Variants in FILIP1L observed in about 807,000 individuals in gnomAD.
FILIP1L encodes filamin A interacting protein 1 like.
FILIP1L carries 55 observed loss-of-function variants against 96.6 expected under a neutral mutation model. The ratio of observed to expected loss-of-function variants is 0.57; its 90% CI spans 0.46 to 0.71. The LOEUF is 0.71. Among genes scored for constraint, FILIP1L ranks in the 30% least tolerant of loss-of-function variants. FILIP1L has a pLI of 0.00. For missense variants in FILIP1L, 1,304 were observed against 1,321.2 expected (o/e 0.99, Z 0.20); for synonymous variants, 467 against 473.9 (o/e 0.99, Z 0.19).
intron 4 of FILIP1L, among the ~76,000 whole-genome samples, chr3:99,878,685 C>T (rs1204738010): frequency 6.6e-6 from 1 of 152,168 alleles, no homozygotes; most frequent in African/African-American, 2.4e-5. Flanking sequence ...GTGGCAGCAA[C>T]GTATCTTGTT....
intron 4 of FILIP1L, among the ~76,000 whole-genome samples, chr3:99,904,402 A>G (rs186096643): frequency 2.0e-5 from 3 of 152,340 alleles, no homozygotes; most frequent in East Asian, 3.9e-4. Flanking sequence ...TTTGGTTTCT[A>G]TGAAGGCAGT....
intron 5 of FILIP1L, among the ~76,000 whole-genome samples, chr3:99,840,441 C>G (rs1350558112): frequency 1.3e-5 from 2 of 151,962 alleles, no homozygotes; most frequent in Non-Finnish European, 2.9e-5. Context: ...CCAGGCTGGT[C>G]TTGAACTCCT....
chr3:100,083,847 T>C (rs2065967164), intron 1 of FILIP1L, among the ~76,000 whole-genome samples: 1 of 152,186 alleles, frequency 6.6e-6, no homozygotes, highest in Non-Finnish European at 1.5e-5. Context: ...AGTGCTAGTA[T>C]TAAGGCATGA....
At chr3:100,109,922 AC>A (rs1472378226) in intron 1 of FILIP1L, 1 of 33,384 alleles carries the variant, frequency 3.0e-5, no homozygotes, top group Non-Finnish European at 5.9e-5. Context: ...CCCCAGCACC[AC>A]CCCCCAGCCA....
chr3:100,098,274 C>T (rs754300774), intron 1 of FILIP1L, among the ~76,000 whole-genome samples: 3 of 152,222 alleles, frequency 2.0e-5, no homozygotes, highest in Admixed American at 6.5e-5. Flanking sequence ...AAGGAGGTAA[C>T]GAGAAGTAAA....
intron 1 of FILIP1L, among the ~76,000 whole-genome samples, chr3:100,065,920 G>A (rs973408215): frequency 1.3e-5 from 2 of 152,194 alleles, no homozygotes; most frequent in African/African-American, 4.8e-5. Flanking sequence ...ATCACCTGGG[G>A]ACTTTTCAGA....
At chr3:99,913,058 C>A (rs561149872) in intron 4 of FILIP1L, among the ~76,000 whole-genome samples, 10 of 152,058 alleles carry the variant, frequency 6.6e-5, no homozygotes, top group Non-Finnish European at 8.8e-5. Context: ...ACTTTCTCAC[C>A]CACTTTCCAC....
intron 1 of FILIP1L, among the ~76,000 whole-genome samples, chr3:99,937,556 A>G (rs1707719103): frequency 6.6e-6 from 1 of 152,200 alleles, no homozygotes; most frequent in African/African-American, 2.4e-5. Flanking sequence ...GGCGTCAGTG[A>G]GCCTTTAAAT....
intron 1 of FILIP1L, among the ~76,000 whole-genome samples, chr3:99,983,519 T>TAC (rs1709234157): frequency 8.1e-6 from 1 of 123,328 alleles, no homozygotes; most frequent in African/African-American, 3.2e-5. Flanking sequence ...TGTATATATA[T>TAC]ACACACACAA....
chr3:100,038,810 T>G (rs1017619911), intron 1 of FILIP1L, among the ~76,000 whole-genome samples: 3 of 152,142 alleles, frequency 2.0e-5, no homozygotes, highest in African/African-American at 7.2e-5. Context: ...CTGCTCCTTA[T>G]GTACTGATAC....
intron 1 of FILIP1L, among the ~76,000 whole-genome samples, chr3:99,985,452 A>G (rs1276174440): frequency 6.6e-6 from 1 of 152,124 alleles, no homozygotes; most frequent in Non-Finnish European, 1.5e-5. Flanking sequence ...TTGAGCCAAG[A>G]TCATACCACT....
chr3:100,005,091 A>G (rs1047690060), intron 1 of FILIP1L, among the ~76,000 whole-genome samples: 1 of 152,360 alleles, frequency 6.6e-6, no homozygotes, highest in African/African-American at 2.4e-5. Context: ...TTCAACTCTT[A>G]TGAATAGGAA....
chr3:100,071,865 T>G (rs2065769322), intron 1 of FILIP1L, among the ~76,000 whole-genome samples: 1 of 152,152 alleles, frequency 6.6e-6, no homozygotes, highest in Non-Finnish European at 1.5e-5. Context: ...TTCCCAGGTG[T>G]GAACCAGTGA....
intron 1 of FILIP1L, among the ~76,000 whole-genome samples, chr3:100,078,467 G>A (rs749699910): frequency 6.6e-6 from 1 of 152,062 alleles, no homozygotes; most frequent in Non-Finnish European, 1.5e-5. Context: ...GTTTAAAACA[G>A]CAATAATTTA....
At chr3:100,054,539 T>TATGTTATGTC (rs1474837701) in intron 1 of FILIP1L, among the ~76,000 whole-genome samples, 14 of 125,782 alleles carry the variant, frequency 1.1e-4, no homozygotes, top group South Asian at 1.0e-3. Flanking sequence ...TATGTTATGT[T>TATGTTATGTC]ATGTCATGTT....
intron 5 of FILIP1L, among the ~76,000 whole-genome samples, chr3:99,830,863 G>A (rs1009650533): frequency 1.3e-5 from 2 of 152,188 alleles, no homozygotes; most frequent in East Asian, 1.9e-4. Flanking sequence ...TGGCAATCAC[G>A]GTGTAGTAGG....
intron 1 of FILIP1L, among the ~76,000 whole-genome samples, chr3:99,985,435 G>A (rs1248822957): frequency 1.3e-5 from 2 of 152,052 alleles, no homozygotes; most frequent in African/African-American, 4.8e-5. Context: ...TGAGGTGGGA[G>A]GATAGCTTGA....
intron 1 of FILIP1L, among the ~76,000 whole-genome samples, chr3:100,091,452 G>A (rs2066108210): frequency 6.6e-6 from 1 of 152,186 alleles, no homozygotes. Context: ...AGAAGTGTAA[G>A]AAATTAGGTA....
rs1317502249 is a variant in FILIP1L at position 99,983,385 on chromosome 3, AATAAATATATATATAT to A, written c.-10-52371_-10-52356del. 2.0e-4 allele frequency among the ~76,000 whole-genome samples: 17 copies of A among 84,060 alleles called. 2 individuals carry two copies. The highest frequency in any genetic ancestry group is 1.5e-3 in the East Asian group (6 of 3,932). 55.1% of individuals were successfully genotyped at this position (84,060 alleles called of 152,430 possible). A position where few individuals can be genotyped will look rare whatever the true frequency, so the allele number is the denominator to read the frequency against. On this transcript the variant is annotated intron_variant, in intron 1 of 5. Transcript: ENST00000477258. Reference sequence around the variant, plus strand: ...CCTGTCTCTACTTAAAAAATAAATAAATAAATATATATATATATATATATATATATATATGTATGTA... The same window carrying A: ...CCTGTCTCTACTTAAAAAATAAATAAATATATATATATATATATGTATGTA...
Sources: allele counts gnomAD v4.1 joint callset (sites outside exome capture counted in the v4.1 genomes callset), GRCh38; gene constraint gnomAD v4.1.1; transcripts MANE v1.5; gene names NCBI Gene and HGNC (gene_info 2026-07-23, HGNC 2026-07-21).